The following PTPRG variants were observed in gnomAD, a reference collection of about 807,000 sequenced individuals.
PTPRG encodes protein tyrosine phosphatase receptor type G.
Under a neutral mutation model 165.3 loss-of-function variants are expected in PTPRG, and 102 were observed. The observed-to-expected ratio is 0.62, with a 90% CI of 0.53 to 0.73. PTPRG has a LOEUF of 0.73. Ranked by LOEUF, PTPRG falls within the 30% of genes least tolerant of loss-of-function variation. The pLI is 0.00. For missense variants in PTPRG, 1,866 were observed against 1,861.4 expected, an observed-to-expected ratio of 1.00 and a Z score of -0.05; for synonymous variants, 675 against 669.5, an observed-to-expected ratio of 1.01 and a Z score of -0.13.
intron 8 of PTPRG, among the ~76,000 whole-genome samples, chr3:62,181,289 A>G (rs1028009388): frequency 1.3e-5 from 2 of 152,152 alleles, no homozygotes; most frequent in African/African-American, 4.8e-5. Flanking sequence ...CCCCGGGATA[A>G]ACCCCAGCTC....
chr3:61,961,811 A>G (rs2040158518), intron 2 of PTPRG, among the ~76,000 whole-genome samples: 1 of 152,080 alleles, frequency 6.6e-6, no homozygotes, highest in South Asian at 2.1e-4. Context: ...CATTTCTACA[A>G]CCCATCATCC....
At chr3:62,118,437 C>A (rs185486541) in intron 5 of PTPRG, 1 of 152,324 alleles carries the variant, frequency 6.6e-6, no homozygotes, top group Non-Finnish European at 1.5e-5. Context: ...GGCAACCTGA[C>A]TTGGAAGACC....
At chr3:61,795,294 T>C (rs772927005) in intron 2 of PTPRG, among the ~76,000 whole-genome samples, 9 of 152,028 alleles carry the variant, frequency 5.9e-5, no homozygotes, top group Non-Finnish European at 1.0e-4. Context: ...CACAGGCTGG[T>C]GAAGGTCAAG....
intron 5 of PTPRG, among the ~76,000 whole-genome samples, chr3:62,108,019 G>T (rs2106847773): frequency 6.6e-6 from 1 of 151,584 alleles, no homozygotes; most frequent in African/African-American, 2.4e-5. Context: ...TCTTGGTGTA[G>T]AACCCTGGAA....
intron 2 of PTPRG, among the ~76,000 whole-genome samples, chr3:61,942,127 C>T (rs1259507547): frequency 6.6e-6 from 1 of 150,498 alleles, no homozygotes; most frequent in Non-Finnish European, 1.5e-5. Context: ...TACTACACTC[C>T]AGCCTGGGCA....
intron 1 of PTPRG, among the ~76,000 whole-genome samples, chr3:61,724,688 A>G (rs1006814985): frequency 6.6e-6 from 1 of 151,906 alleles, no homozygotes; most frequent in Non-Finnish European, 1.5e-5. Context: ...AGCGATTCTG[A>G]TAGGTATGCA....
intron 4 of PTPRG, among the ~76,000 whole-genome samples, chr3:62,007,693 A>T (rs138655161): frequency 1.3e-5 from 2 of 152,236 alleles, no homozygotes; most frequent in Non-Finnish European, 2.9e-5. Flanking sequence ...TATATGTGCA[A>T]TTTCATTTGT....
chr3:62,027,556 C>G (rs1699605300), intron 4 of PTPRG, among the ~76,000 whole-genome samples: 1 of 152,156 alleles, frequency 6.6e-6, no homozygotes. Flanking sequence ...TTGTCGCTTA[C>G]CTGAAAAAGC....
intron 2 of PTPRG, among the ~76,000 whole-genome samples, chr3:61,913,461 C>T (rs959822914): frequency 6.6e-6 from 1 of 152,098 alleles, no homozygotes; most frequent in Non-Finnish European, 1.5e-5. Flanking sequence ...CCTCGTGATC[C>T]GCCTGCCTCA....
At chr3:61,692,582 C>T (rs1057312588) in intron 1 of PTPRG, among the ~76,000 whole-genome samples, 6 of 151,650 alleles carry the variant, frequency 4.0e-5, no homozygotes, top group Non-Finnish European at 7.4e-5. Flanking sequence ...GTCAGCGAGG[C>T]GAGGTAGGGG....
intron 2 of PTPRG, among the ~76,000 whole-genome samples, chr3:61,802,532 ATTC>A (rs1559620054): frequency 6.6e-6 from 1 of 152,220 alleles, no homozygotes; most frequent in Non-Finnish European, 1.5e-5. Context: ...GTTGGCCAGT[ATTC>A]TTCTTGCAGG....
At chr3:61,982,677 T>G (rs533248031) in intron 2 of PTPRG, among the ~76,000 whole-genome samples, 4 of 151,986 alleles carry the variant, frequency 2.6e-5, no homozygotes, top group Non-Finnish European at 5.9e-5. Flanking sequence ...TTTACTCTTT[T>G]TAATACCCTC....
chr3:61,927,456 C>A (rs2039248452), intron 2 of PTPRG, among the ~76,000 whole-genome samples: 1 of 152,206 alleles, frequency 6.6e-6, no homozygotes, highest in Non-Finnish European at 1.5e-5. Context: ...GCCAGTTGGG[C>A]AGCTCTCCCA....
chr3:61,752,461 GA>G, intron 2 of PTPRG, among the ~76,000 whole-genome samples: 1 of 152,136 alleles, frequency 6.6e-6, no homozygotes, highest in Middle Eastern at 3.4e-3. Context: ...TAGTAATGGT[GA>G]AAAGCCTAGA....
At chr3:61,586,089 CTTTTTTA>C (rs1436532078) in intron 1 of PTPRG, among the ~76,000 whole-genome samples, 5 of 152,098 alleles carry the variant, frequency 3.3e-5, no homozygotes, top group Non-Finnish European at 7.4e-5. Context: ...TCTGCTTTTT[CTTTTTTA>C]TTTTTTGCCT....
intron 6 of PTPRG, among the ~76,000 whole-genome samples, chr3:62,138,584 T>C (rs921018045): frequency 6.6e-6 from 1 of 151,908 alleles, no homozygotes; most frequent in Admixed American, 6.6e-5. Flanking sequence ...CCAGACATGG[T>C]GGCACGCATC....
intron 15 of PTPRG, among the ~76,000 whole-genome samples, chr3:62,251,062 A>C (rs1208586503): frequency 3.9e-5 from 6 of 152,128 alleles, no homozygotes; most frequent in Non-Finnish European, 7.4e-5. Context: ...ACTTTTGCCT[A>C]GTTTAAACCT....
At chr3:62,043,808 T>G (rs1211329875) in intron 4 of PTPRG, among the ~76,000 whole-genome samples, 1 of 152,098 alleles carries the variant, frequency 6.6e-6, no homozygotes, top group Admixed American at 6.5e-5. Context: ...GGTGGTATAA[T>G]CTAGTCAATT....
At chr3:61,738,258 T>TTATA (rs1206672812) in intron 1 of PTPRG, among the ~76,000 whole-genome samples, 2 of 8,656 alleles carry the variant, frequency 2.3e-4, no homozygotes, top group East Asian at 2.6e-3. Flanking sequence ...TTGTCCATTT[T>TTATA]TATATATATA....
Sources: gnomAD v4.1 joint callset for allele counts (sites outside exome capture counted in the v4.1 genomes callset) on GRCh38, gnomAD v4.1.1 for gene constraint, MANE v1.5 for transcripts, NCBI Gene and HGNC (gene_info 2026-07-23, HGNC 2026-07-21) for gene names.